Variants in AFF3 observed in about 807,000 individuals in gnomAD.
AFF3 encodes the protein ALF transcription elongation factor 3, also known as AF4/FMR2 family member 3.
AFF3 carries 32 observed loss-of-function variants against 129.7 expected under a neutral mutation model. That is an observed-to-expected ratio of 0.25 (90% confidence interval 0.19 to 0.33). The LOEUF is 0.33. Among genes scored for constraint, AFF3 ranks in the 10% least tolerant of loss-of-function variants. The pLI is 1.00. For synonymous variants in AFF3, 644 were observed against 635.4 expected (o/e 1.01, Z -0.20); for missense variants, 1,373 against 1,592.0 (o/e 0.86, Z 2.34).
chr2:99,984,213 G>C (rs1403318217), intron 7 of AFF3, among the ~76,000 whole-genome samples: 3 of 152,308 alleles, frequency 2.0e-5, no homozygotes, highest in South Asian at 4.1e-4. Flanking sequence ...AATATGGACA[G>C]TGAAGAAATA....
At chr2:99,829,394 A>G (rs1688345805) in intron 8 of AFF3, among the ~76,000 whole-genome samples, 1 of 152,236 alleles carries the variant, frequency 6.6e-6, no homozygotes, top group South Asian at 2.1e-4. Flanking sequence ...CCATCTGACA[A>G]AGGTCTAACA....
intron 8 of AFF3, among the ~76,000 whole-genome samples, chr2:99,830,143 G>A (rs1166469386): frequency 6.6e-6 from 1 of 152,120 alleles, no homozygotes; most frequent in Non-Finnish European, 1.5e-5. Context: ...GCAAGGGAGG[G>A]AGAGCATTAG....
chr2:100,061,087 A>G (rs186744340), intron 4 of AFF3, among the ~76,000 whole-genome samples: 1 of 152,266 alleles, frequency 6.6e-6, no homozygotes, highest in Non-Finnish European at 1.5e-5. Flanking sequence ...CCTTCTCACC[A>G]CATCCTGTCA....
intron 12 of AFF3, among the ~76,000 whole-genome samples, chr2:99,657,002 G>A (rs34906595): frequency 0.15 from 22,707 of 152,088 alleles, 2,131 homozygotes; most frequent in South Asian, 0.26. Flanking sequence ...GAGACAAAAC[G>A]AGAAAACCTG....
At chr2:99,690,433 G>A (rs944798539) in intron 11 of AFF3, among the ~76,000 whole-genome samples, 2 of 151,678 alleles carry the variant, frequency 1.3e-5, no homozygotes, top group East Asian at 2.0e-4. Context: ...CGCCCGCCTC[G>A]GCCTCCCAAA....
At chr2:99,621,672 C>A (rs553415799) in intron 13 of AFF3, among the ~76,000 whole-genome samples, 3 of 152,164 alleles carry the variant, frequency 2.0e-5, no homozygotes, top group Non-Finnish European at 4.4e-5. Flanking sequence ...GTATGTCAAG[C>A]GCTCAATGCG....
At chr2:99,652,654 CCA>C (rs1350787475) in intron 12 of AFF3, among the ~76,000 whole-genome samples, 1 of 152,080 alleles carries the variant, frequency 6.6e-6, no homozygotes, top group Non-Finnish European at 1.5e-5. Context: ...ACAGGTTTTG[CCA>C]TTCATTTGCT....
intron 11 of AFF3, among the ~76,000 whole-genome samples, chr2:99,695,241 G>C (rs1234497307): frequency 6.6e-6 from 1 of 152,152 alleles, no homozygotes; most frequent in African/African-American, 2.4e-5. Context: ...CGTGTGCCTG[G>C]TAGTTCCTGG....
chr2:99,758,024 A>G (rs950187799), intron 8 of AFF3, among the ~76,000 whole-genome samples: 1 of 152,170 alleles, frequency 6.6e-6, no homozygotes, highest in Non-Finnish European at 1.5e-5. Context: ...CCCAGCACCT[A>G]ATACAGAGCC....
chr2:99,739,153 A>G (rs1680508417), intron 10 of AFF3, among the ~76,000 whole-genome samples: 1 of 151,804 alleles, frequency 6.6e-6, no homozygotes, highest in African/African-American at 2.4e-5. Flanking sequence ...AGGTGTTCCC[A>G]TCACTGCAAG....
chr2:99,591,989 G>A (rs1235564459), intron 15 of AFF3, among the ~76,000 whole-genome samples: 2 of 152,198 alleles, frequency 1.3e-5, no homozygotes, highest in African/African-American at 4.8e-5. Context: ...CCTGTGAGCT[G>A]TTGTTACTGA....
intron 4 of AFF3, among the ~76,000 whole-genome samples, chr2:100,081,418 A>G (rs1689038770): frequency 6.6e-6 from 1 of 151,692 alleles, no homozygotes; most frequent in South Asian, 2.1e-4. Flanking sequence ...ACCCAAGCAG[A>G]GCTGGGCAAG....
intron 7 of AFF3, among the ~76,000 whole-genome samples, chr2:99,900,574 G>A (rs973959838): frequency 1.3e-5 from 2 of 152,120 alleles, no homozygotes; most frequent in African/African-American, 4.8e-5. Context: ...TTGGAGGAAA[G>A]CCCACTCAGC....
At chr2:99,963,687 A>C (rs538641454) in intron 7 of AFF3, among the ~76,000 whole-genome samples, 292 of 152,190 alleles carry the variant, frequency 1.9e-3, no homozygotes, top group Non-Finnish European at 3.6e-3. Flanking sequence ...CCATTTTTTA[A>C]ATGTTCAAAT....
chr2:100,126,689 C>CT (rs1692206566), intron 2 of AFF3, among the ~76,000 whole-genome samples: 1 of 152,124 alleles, frequency 6.6e-6, no homozygotes, highest in African/African-American at 2.4e-5. Context: ...CTATTTCCCC[C>CT]TTGAGAAACT....
intron 11 of AFF3, among the ~76,000 whole-genome samples, chr2:99,702,717 T>C (rs919873859): frequency 6.6e-6 from 1 of 152,242 alleles, no homozygotes; most frequent in Non-Finnish European, 1.5e-5. Context: ...TTCACTTCAA[T>C]GAAATGTCTG....
intron 11 of AFF3, among the ~76,000 whole-genome samples, chr2:99,696,658 T>TC (rs1297081870): frequency 1.3e-5 from 2 of 152,122 alleles, no homozygotes; most frequent in African/African-American, 2.4e-5. Context: ...TGAAATTCTT[T>TC]TTTTTTTTTC....
At chr2:99,831,820 C>A (rs1020117291) in intron 8 of AFF3, among the ~76,000 whole-genome samples, 5 of 152,200 alleles carry the variant, frequency 3.3e-5, no homozygotes, top group African/African-American at 1.2e-4. Context: ...CTCTCAGCTC[C>A]AATCCCACCC....
chr2:100,139,276 A>G (rs1004290966), intron 1 of AFF3, among the ~76,000 whole-genome samples: 1 of 152,154 alleles, frequency 6.6e-6, no homozygotes, highest in African/African-American at 2.4e-5. Context: ...GCCACAAAGC[A>G]TTTTACTAGT....
Sources: allele counts gnomAD v4.1 joint callset (sites outside exome capture counted in the v4.1 genomes callset), GRCh38; gene constraint gnomAD v4.1.1; transcripts MANE v1.5; gene names NCBI Gene and HGNC (gene_info 2026-07-23, HGNC 2026-07-21).